Variants in PRLR observed in about 807,000 individuals in gnomAD.
The protein encoded by PRLR is prolactin receptor, also known as hPRL receptor.
Under a neutral mutation model 40.2 loss-of-function variants are expected in PRLR, and 13 were observed. That is an observed-to-expected ratio of 0.32 (90% confidence interval 0.21 to 0.51). The LOEUF (loss-of-function observed/expected upper bound fraction) is 0.51, where lower values mean the gene tolerates loss of function less well. PRLR is among the 20% of genes least tolerant of loss of function. PRLR has a pLI of 0.97. For synonymous variants in PRLR, 269 were observed against 278.7 expected (o/e 0.97, Z 0.35); for missense variants, 656 against 747.3 (o/e 0.88, Z 1.42).
chr5:35,090,172 G>C (rs560989246), intron 2 of PRLR, among the ~76,000 whole-genome samples: 1 of 152,224 alleles, frequency 6.6e-6, no homozygotes, highest in African/African-American at 2.4e-5. Context: ...AGAAGGTTCT[G>C]GAAGTCTTCT....
chr5:35,080,935 G>T (rs554978101), intron 5 of PRLR, among the ~76,000 whole-genome samples: 15 of 150,240 alleles, frequency 1.0e-4, no homozygotes, highest in African/African-American at 3.7e-4. Context: ...CAAAACTATC[G>T]CAAAGACAGA....
In PRLR at chr5:35,065,485, G is replaced by A. The variant is rs1769303146; in HGVS notation, c.1473C>T (p.Pro491=). The change falls in exon 10 of 10, where the codon CCC becomes CCT. Residue 491 remains proline (P), a synonymous_variant. Coordinates refer to ENST00000618457, the MANE Select transcript of PRLR (RefSeq NM_000949.7). ...SFHSETDQDT[P]WLLPQEKTPF... Reference sequence around the variant, plus strand: ...GGGTTTTCTCCTGGGGCAGCAGCCAGGGCGTATCCTGGTCAGTCTCAGAAT... The same window carrying A: ...GGGTTTTCTCCTGGGGCAGCAGCCAAGGCGTATCCTGGTCAGTCTCAGAAT... The A allele has an allele frequency of 6.2e-7, 1 of 1,614,146 alleles. No individual in the cohort carries two copies.
chr5:35,107,710 G>T (rs1772361115), intron 2 of PRLR, among the ~76,000 whole-genome samples: 1 of 152,050 alleles, frequency 6.6e-6, no homozygotes, highest in Non-Finnish European at 1.5e-5. Flanking sequence ...CCAATAACAG[G>T]CTCTGAAATC....
At chr5:35,110,281 T>G (rs1025271876) in intron 2 of PRLR, among the ~76,000 whole-genome samples, 11 of 151,906 alleles carry the variant, frequency 7.2e-5, no homozygotes, top group African/African-American at 2.7e-4. Context: ...GGTTAATGGG[T>G]GCAGCACACC....
intron 2 of PRLR, among the ~76,000 whole-genome samples, chr5:35,111,000 C>T (rs1772629016): frequency 6.6e-6 from 1 of 152,154 alleles, no homozygotes; most frequent in Non-Finnish European, 1.5e-5. Flanking sequence ...GTACCCCCAC[C>T]CCATCCCAGG....
chr5:35,083,440 CT>C (rs1561280582), intron 5 of PRLR, among the ~76,000 whole-genome samples: 6 of 134,866 alleles, frequency 4.4e-5, no homozygotes, highest in African/African-American at 2.1e-4. Context: ...CTCTCTCTTC[CT>C]CTCTCTCTGT....
At chr5:35,117,893 G>C (rs373054195) in intron 2 of PRLR, among the ~76,000 whole-genome samples, 168 bp downstream of exon 2, 2 of 152,282 alleles carry the variant, frequency 1.3e-5, no homozygotes, top group East Asian at 3.9e-4. Flanking sequence ...GGACAGGCTG[G>C]GGAGACTGAA....
chr5:35,117,206 A>T (rs2111704348), intron 2 of PRLR, among the ~76,000 whole-genome samples: 1 of 152,296 alleles, frequency 6.6e-6, no homozygotes, highest in South Asian at 2.1e-4. Context: ...ACTTGACACC[A>T]AAGCGGCATG....
downstream of PRLR, among the ~76,000 whole-genome samples, chr5:35,051,550 T>TG (rs1768498750): frequency 6.6e-6 from 1 of 152,204 alleles, no homozygotes; most frequent in African/African-American, 2.4e-5. Context: ...TGTTCCTGTA[T>TG]GGGGGAAGAG....
At chr5:35,226,578 A>G (rs1776558558) in intron 1 of PRLR, among the ~76,000 whole-genome samples, 1 of 152,196 alleles carries the variant, frequency 6.6e-6, no homozygotes, top group Non-Finnish European at 1.5e-5. Flanking sequence ...CCAATTTAAG[A>G]ACTTTCTCTT....
intron 1 of PRLR, among the ~76,000 whole-genome samples, chr5:35,191,226 A>G (rs1340086304): frequency 7.9e-6 from 1 of 126,418 alleles, no homozygotes; most frequent in African/African-American, 2.9e-5. Context: ...GCCCGCCACT[A>G]CGCCCGGCTA....
At chr5:35,117,952 T>G in intron 2 of PRLR, 109 bp downstream of exon 2, 155 of 488,094 alleles carry the variant, frequency 3.2e-4, no homozygotes, top group Non-Finnish European at 3.8e-4. Flanking sequence ...TTGACTGGTT[T>G]GAGATGATAT....
intron 2 of PRLR, among the ~76,000 whole-genome samples, chr5:35,102,513 C>CTCCTT (rs1771961928): frequency 3.1e-5 from 4 of 129,068 alleles, no homozygotes; most frequent in African/African-American, 1.3e-4. Flanking sequence ...CTCCTCTCCT[C>CTCCTT]TCCTCTCCTC....
At chr5:35,086,751 T>G (rs1457053482) in intron 3 of PRLR, among the ~76,000 whole-genome samples, 1 of 152,106 alleles carries the variant, frequency 6.6e-6, no homozygotes, top group Non-Finnish European at 1.5e-5. Context: ...TCCCTCAGCC[T>G]AAGGGAACCA....
rs190878019 is a variant in PRLR, at chr5:35,105,487, T to A, written c.-44+12574A>T. 1.2e-4 allele frequency among the ~76,000 whole-genome samples: 18 copies of A among 152,256 alleles called. No individual in the cohort carries two copies. In the East Asian group the frequency reaches 3.3e-3, roughly 28 times the overall value. The stretch of plus-strand genomic sequence containing the variant: ...AGAAGCTAAAAACCTTGAAAAAGAT[T>A]AGATGAATGGCTAACTAGAATAAAC... On this transcript the variant is annotated intron_variant, in intron 2 of 9. Coordinates refer to ENST00000618457, the MANE Select transcript of PRLR (RefSeq NM_000949.7).
chr5:35,175,080 G>A (rs1775106750), intron 1 of PRLR, among the ~76,000 whole-genome samples: 1 of 152,176 alleles, frequency 6.6e-6, no homozygotes, highest in Admixed American at 6.5e-5. Flanking sequence ...TAAATGGATG[G>A]ACAGATGGAT....
intron 1 of PRLR, among the ~76,000 whole-genome samples, chr5:35,151,542 G>A (rs1774341397): frequency 6.6e-6 from 1 of 152,012 alleles, no homozygotes; most frequent in African/African-American, 2.4e-5. Context: ...TTTGATCTGG[G>A]TGGCAAAAGT....
chr5:35,148,298 T>G (rs1846996), intron 1 of PRLR, among the ~76,000 whole-genome samples: 151,065 of 152,218 alleles, frequency 0.99, 75,024 homozygotes, highest in Non-Finnish European at 1. Flanking sequence ...ATTCAATTTG[T>G]GTTGAACTTG....
chr5:35,143,855 CT>C (rs1360578252), intron 1 of PRLR, among the ~76,000 whole-genome samples: 1 of 151,926 alleles, frequency 6.6e-6, no homozygotes, highest in Non-Finnish European at 1.5e-5. Context: ...AACAGATTTT[CT>C]TTCTAAAATC....
Sources: gnomAD v4.1 joint callset for allele counts (sites outside exome capture counted in the v4.1 genomes callset) on GRCh38, gnomAD v4.1.1 for gene constraint, MANE v1.5 for transcripts, NCBI Gene and HGNC (gene_info 2026-07-23, HGNC 2026-07-21) for gene names.